Variants in AGAP1 observed in about 807,000 individuals in gnomAD.
AGAP1 encodes ArfGAP with GTPase domain, ankyrin repeat and PH domain 1.
A neutral mutation model predicts 105.3 loss-of-function variants in AGAP1; 29 were observed. The observed-to-expected ratio is 0.28, with a 90% CI of 0.21 to 0.38. The LOEUF (loss-of-function observed/expected upper bound fraction) is 0.38. Ranked by LOEUF, AGAP1 falls within the 10% of genes least tolerant of loss-of-function variation. The probability of loss-of-function intolerance (pLI) is 1.00; values close to 1 mark genes in which losing one functional copy is unlikely to be tolerated. For synonymous variants in AGAP1, 509 were observed against 485.9 expected, an observed-to-expected ratio of 1.05 and a Z score of -0.63; for missense variants, 998 against 1,165.1, an observed-to-expected ratio of 0.86 and a Z score of 2.09.
intron 1 of AGAP1, among the ~76,000 whole-genome samples, chr2:235,560,274 A>G (rs988434173): frequency 6.6e-6 from 1 of 152,120 alleles, no homozygotes; most frequent in African/African-American, 2.4e-5. Context: ...TCATATCAGC[A>G]TGCTTAGATC....
At position 235,927,141 on chromosome 2, in the gene AGAP1, C is replaced by T. The variant is rs1186441203; in HGVS notation, c.1325-3624C>T. Among the ~76,000 whole-genome samples the T allele has an allele frequency of 1.3e-5, 2 of 152,152 alleles. No individual in the cohort carries two copies. Among genetic ancestry groups the T allele is most frequent in the Non-Finnish European group, 2.9e-5 (2 of 68,036 alleles). On this transcript the variant is annotated intron_variant, in intron 11 of 17. Transcript: ENST00000304032. The surrounding 1 kb of genome is among the most constrained non-coding windows in gnomAD (Gnocchi z 4.4). Reference sequence around the variant, plus strand: ...GTCATGCTGTTTCAGTGTAGTCCCGCAGTGGGAAGTGGGTGTGGCTGGGGC... The same window carrying T: ...GTCATGCTGTTTCAGTGTAGTCCCGTAGTGGGAAGTGGGTGTGGCTGGGGC...
rs1329650895 is a variant in AGAP1, at chr2:235,556,232, C to T, written c.163+61383C>T. 1.3e-5 allele frequency among the ~76,000 whole-genome samples: 2 copies of T among 152,226 alleles called. No homozygotes were observed. The highest frequency in any genetic ancestry group is 2.4e-5 in the African/African-American group (1 of 41,454). On this transcript the variant is annotated intron_variant, in intron 1 of 17. Transcript: ENST00000304032. The surrounding 1 kb of genome is among the most constrained non-coding windows in gnomAD (Gnocchi z 5.3). ...CATGCCTTGGCCAATCACAGAGCAC[C>T]CTTTCTGTCCAGGCCACTGATCAGC...
At chr2:235,814,187 C>A (rs1333241033) in intron 9 of AGAP1, among the ~76,000 whole-genome samples, 1 of 152,248 alleles carries the variant, frequency 6.6e-6, no homozygotes, top group East Asian at 1.9e-4. Flanking sequence ...TCGCCTATGT[C>A]TGTGGGCACA....
intron 1 of AGAP1, among the ~76,000 whole-genome samples, chr2:235,699,026 G>A (rs1416608487): frequency 2.0e-5 from 3 of 151,920 alleles, no homozygotes; most frequent in Non-Finnish European, 4.4e-5. Context: ...GGTTGGTGGT[G>A]TAGGCAGGAG....
rs1250974725 is a variant in AGAP1 at position 235,741,869 on chromosome 2, T to C, written c.396+821T>C. On this transcript the variant is annotated intron_variant, in intron 4 of 17. Transcript: ENST00000304032. The surrounding 1 kb of genome is among the most constrained non-coding windows in gnomAD (Gnocchi z 4.9). ...CCCAGGTTCAGGCCATTCTCCTGCC[T>C]CAGCCTCCTGAGTAGCTGGGACTAC... Among the ~76,000 whole-genome samples, 1 of 151,890 alleles carries C rather than the reference T, an allele frequency of 6.6e-6. No homozygotes were observed. The highest frequency in any genetic ancestry group is 2.4e-5 in the African/African-American group (1 of 41,346).
At chr2:235,653,146 A>G (rs993165101) in intron 1 of AGAP1, among the ~76,000 whole-genome samples, 2 of 152,112 alleles carry the variant, frequency 1.3e-5, no homozygotes, top group South Asian at 4.1e-4. Context: ...ACCCTACAGC[A>G]GCTAACCCTC....
chr2:235,902,295 T>C lies in AGAP1; in HGVS notation c.1156-6443T>C, dbSNP rs541035081. Among the ~76,000 whole-genome samples the C allele has an allele frequency of 3.3e-5, 5 of 152,342 alleles. No homozygotes were observed. The East Asian group carries it at 9.7e-4, about 29-fold the overall frequency. Reference sequence around the variant, plus strand: ...TTCCTCTTGCACACTTCACCAAAACTCAACATGTGATAGTTTCTTAAAGCT... The same window carrying C: ...TTCCTCTTGCACACTTCACCAAAACCCAACATGTGATAGTTTCTTAAAGCT... On this transcript the variant is annotated intron_variant, in intron 10 of 17. Transcript: ENST00000304032.
In AGAP1 at chr2:236,124,169, T is replaced by C; in HGVS notation, c.*47T>C. ...TCGCCGCACCTGGGACGCGGCAGCCTCGCCGCATTCTCGCTCAGAAGTCGC... is the reference window on the plus strand; with the variant it reads ...TCGCCGCACCTGGGACGCGGCAGCCCCGCCGCATTCTCGCTCAGAAGTCGC... On this transcript the variant is annotated 3_prime_UTR_variant, in exon 18 of 18. Coordinates refer to ENST00000304032, the MANE Select transcript of AGAP1 (RefSeq NM_001037131.3). This position sits in a 1 kb window ranked among gnomAD's most constrained non-coding sequence, Gnocchi z 5.1. 1 of 1,593,582 alleles carries C rather than the reference T, an allele frequency of 6.3e-7. No homozygotes were observed. The highest frequency in any genetic ancestry group is 8.6e-7 in the Non-Finnish European group (1 of 1,165,634).
chr2:235,948,173 T>C (rs1454965977), intron 12 of AGAP1, among the ~76,000 whole-genome samples: 2 of 152,174 alleles, frequency 1.3e-5, no homozygotes, highest in Non-Finnish European at 2.9e-5. Flanking sequence ...TCTGGGGTTT[T>C]TTTTGTTTGT....
rs1428445397 is a variant in AGAP1 at position 235,959,122 on chromosome 2, T to C, written c.1484-9340T>C. On this transcript the variant is annotated intron_variant, in intron 12 of 17. Transcript: ENST00000304032. This position sits in a 1 kb window ranked among gnomAD's most constrained non-coding sequence, Gnocchi z 7.3. Reference sequence around the variant, plus strand: ...AGGCGCTCGCTTTTTTAATTTGGCATGGCTTTTTTCTCTTAGCCTCTCCCC... The same window carrying C: ...AGGCGCTCGCTTTTTTAATTTGGCACGGCTTTTTTCTCTTAGCCTCTCCCC... 6.6e-6 allele frequency among the ~76,000 whole-genome samples: 1 copy of C among 152,202 alleles called. No homozygotes were observed. The highest frequency in any genetic ancestry group is 2.4e-5 in the African/African-American group (1 of 41,468).
Position 236,055,635 on chromosome 2 carries a change from C to T in AGAP1, c.2114+6354C>T, listed in dbSNP as rs1452841712. 2.0e-5 allele frequency among the ~76,000 whole-genome samples: 3 copies of T among 152,278 alleles called. No individual in the cohort carries two copies. Among genetic ancestry groups the T allele is most frequent in the Non-Finnish European group, 4.4e-5 (3 of 68,056 alleles). On this transcript the variant is annotated intron_variant, in intron 16 of 17. Coordinates refer to ENST00000304032, the MANE Select transcript of AGAP1 (RefSeq NM_001037131.3). This position sits in a 1 kb window ranked among gnomAD's most constrained non-coding sequence, Gnocchi z 6.2. ...CCGTCCAGGCAGGGACTGTGCCCTG[C>T]TCAAGCCACGACAGTGGCAGCCTTC...
chr2:236,086,260 G>A (rs1576271329), intron 16 of AGAP1, among the ~76,000 whole-genome samples: 1 of 152,224 alleles, frequency 6.6e-6, no homozygotes, highest in African/African-American at 2.4e-5. Flanking sequence ...GTACTAACGT[G>A]CCCCCCAATT....
At position 235,543,102 on chromosome 2, in the gene AGAP1, C is replaced by G. The variant is rs1225044589; in HGVS notation, c.163+48253C>G. 5.2e-5 allele frequency among the ~76,000 whole-genome samples: 7 copies of G among 135,712 alleles called. No individual in the cohort carries two copies. The South Asian group carries it at 1.4e-3, about 26-fold the overall frequency. 89.0% of individuals were successfully genotyped at this position (135,712 alleles called of 152,430 possible). ...CTGCTCCCGCCTCCTCCCCCTCCCC[C>G]CCCCCCGCCCCCTGCCCCTCGTTGG... On this transcript the variant is annotated intron_variant, in intron 1 of 17. Transcript: ENST00000304032.
chr2:235,652,000 TTTG>T (rs1244240401), intron 1 of AGAP1, among the ~76,000 whole-genome samples: 1 of 152,190 alleles, frequency 6.6e-6, no homozygotes, highest in East Asian at 1.9e-4. Flanking sequence ...GGGCACCCCT[TTTG>T]TTTTTTGAAC....
At chr2:235,818,023 G>A (rs1238079907) in intron 9 of AGAP1, among the ~76,000 whole-genome samples, 1 of 152,164 alleles carries the variant, frequency 6.6e-6, no homozygotes, top group East Asian at 1.9e-4. Context: ...TAACATCTTA[G>A]GGCCGTCCCA....
chr2:235,497,797 T>A (rs539612255), intron 1 of AGAP1, among the ~76,000 whole-genome samples: 1 of 152,108 alleles, frequency 6.6e-6, no homozygotes, highest in Non-Finnish European at 1.5e-5. Flanking sequence ...GGGGTTTCAT[T>A]GTGTTAGCCG....
Position 235,612,217 on chromosome 2 carries a change from G to A in AGAP1, c.164-96962G>A, listed in dbSNP as rs978492208. Among the ~76,000 whole-genome samples the A allele has an allele frequency of 1.3e-5, 2 of 152,154 alleles. No homozygotes were observed. The highest frequency in any genetic ancestry group is 2.1e-4 in the South Asian group (1 of 4,824). ...GCTTGGGTGTACGCTGGGCGGGTTC[G>A]CAGTGCTGGAAGAGAGAGTGGACAG... On this transcript the variant is annotated intron_variant, in intron 1 of 17. Transcript: ENST00000304032. The surrounding 1 kb of genome is among the most constrained non-coding windows in gnomAD (Gnocchi z 4.3).
chr2:235,603,164 A>G lies in AGAP1; in HGVS notation c.164-106015A>G, dbSNP rs562067638. Among the ~76,000 whole-genome samples the G allele has an allele frequency of 1.4e-4, 21 of 152,240 alleles. 1 individual carries two copies. Among genetic ancestry groups the G allele is most frequent in the Admixed American group, 1.4e-3 (21 of 15,296 alleles). ...CATACTGTTCTGATGGTAGTGAATA[A>G]GCCTCCTGAGAGCTGGTGGTTTCAT... On this transcript the variant is annotated intron_variant, in intron 1 of 17. Coordinates refer to ENST00000304032, the MANE Select transcript of AGAP1 (RefSeq NM_001037131.3).
rs1227518738 is a variant in AGAP1 at position 235,824,196 on chromosome 2, G to A, written c.1050+16865G>A. Among the ~76,000 whole-genome samples, 3 of 152,232 alleles carry A rather than the reference G, an allele frequency of 2.0e-5. No individual in the cohort carries two copies. Among genetic ancestry groups the A allele is most frequent in the African/African-American group, 7.2e-5 (3 of 41,462 alleles). On this transcript the variant is annotated intron_variant, in intron 9 of 17. Transcript: ENST00000304032. The surrounding 1 kb of genome is among the most constrained non-coding windows in gnomAD (Gnocchi z 5.2). ...AACGCTGAGGGGTCTTCGATTGGTG[G>A]CACCCGTGTTCCACGGTACAGCTAG...
Sources: gnomAD v4.1 joint callset for allele counts (sites outside exome capture counted in the v4.1 genomes callset) on GRCh38, gnomAD v4.1.1 for gene constraint, Gnocchi (gnomAD v3.1) non-coding constraint, MANE v1.5 for transcripts, NCBI Gene and HGNC (gene_info 2026-07-23, HGNC 2026-07-21) for gene names.